Variants in MAN1A1 observed in about 807,000 individuals in gnomAD.
MAN1A1 encodes mannosyl-oligosaccharide 1,2-alpha-mannosidase IA.
MAN1A1 carries 29 observed loss-of-function variants against 70.8 expected under a neutral mutation model. The ratio of observed to expected loss-of-function variants is 0.41; its 90% CI spans 0.31 to 0.56. The LOEUF is 0.56. MAN1A1 is among the 20% of genes least tolerant of loss of function. MAN1A1 has a pLI of 0.29. For synonymous variants in MAN1A1, 349 were observed against 330.1 expected (o/e 1.06, Z -0.62); for missense variants, 747 against 841.3 (o/e 0.89, Z 1.39).
chr6:119,267,463 A>G (rs1775789399), intron 5 of MAN1A1, among the ~76,000 whole-genome samples: 1 of 152,240 alleles, frequency 6.6e-6, no homozygotes, highest in African/African-American at 2.4e-5. Context: ...GGCAGATTCC[A>G]CTAAGCTTGA....
At chr6:119,244,677 A>C (rs1014816404) in intron 6 of MAN1A1, among the ~76,000 whole-genome samples, 5 of 152,218 alleles carry the variant, frequency 3.3e-5, no homozygotes, top group Middle Eastern at 3.4e-3. Context: ...TTTTGTCTCC[A>C]AATACATAAA....
chr6:119,241,960 GTGTGTGTGTGTGTA>G (rs1775021878), intron 6 of MAN1A1, among the ~76,000 whole-genome samples: 1 of 15,136 alleles, frequency 6.6e-5, no homozygotes, highest in Non-Finnish European at 1.4e-4. Context: ...GTGTGTGTGT[GTGTGTGTGTGTGTA>G]TATGTGTGTG....
rs143357410 is a variant in MAN1A1 at position 119,327,516 on chromosome 6, A to G, written c.604-20524T>C. 5.9e-3 allele frequency: 892 copies of G among 151,326 alleles called. 31 individuals are homozygous for G. The East Asian group carries it at 0.091, about 15-fold the overall frequency. 9.4% of individuals were successfully genotyped at this position (151,326 alleles called of 1,614,324 possible). ...GCGATTCTCCTGCCTCATCCTCCCA[A>G]GGAGCTGGGATTACAGGCATGCACC... On this transcript the variant is annotated intron_variant, in intron 2 of 12. Coordinates refer to ENST00000368468, the MANE Select transcript of MAN1A1 (RefSeq NM_005907.4).
intron 2 of MAN1A1, among the ~76,000 whole-genome samples, chr6:119,307,951 A>C (rs11759899): frequency 0.33 from 50,469 of 151,980 alleles, 8,863 homozygotes; most frequent in Non-Finnish European, 0.36. Context: ...CAAAGTTTTC[A>C]TATGTTCCTG....
At position 119,217,836 on chromosome 6, in the gene MAN1A1, A is replaced by G. The variant is rs569728489; in HGVS notation, c.993-12954T>C. 3.3e-5 allele frequency among the ~76,000 whole-genome samples: 5 copies of G among 152,306 alleles called. No individual in the cohort carries two copies. The East Asian group carries it at 9.6e-4, about 29-fold the overall frequency. The stretch of plus-strand genomic sequence containing the variant: ...CATCCACATGCACACACATATATGG[A>G]TATCTAGAAAGGGAGTTCGTTGTTT... On this transcript the variant is annotated intron_variant, in intron 6 of 12. Coordinates refer to ENST00000368468, the MANE Select transcript of MAN1A1 (RefSeq NM_005907.4).
intron 5 of MAN1A1, among the ~76,000 whole-genome samples, chr6:119,282,770 C>T (rs897094211): frequency 1.3e-5 from 2 of 152,042 alleles, no homozygotes; most frequent in Non-Finnish European, 2.9e-5. Context: ...TATATAATTA[C>T]ATTAATATAA....
At chr6:119,247,921 G>C (rs751263900) in intron 6 of MAN1A1, among the ~76,000 whole-genome samples, 112 of 152,198 alleles carry the variant, frequency 7.4e-4, no homozygotes, top group Non-Finnish European at 1.5e-3. Context: ...CTTTGGAAGT[G>C]AAATGCTTTG....
intron 5 of MAN1A1, among the ~76,000 whole-genome samples, chr6:119,255,810 T>C (rs1189019468): frequency 6.6e-6 from 1 of 152,228 alleles, no homozygotes; most frequent in Non-Finnish European, 1.5e-5. Context: ...TCACCGTCTC[T>C]TTCTTTCTTC....
Position 119,348,661 on chromosome 6 carries a change from G to C in MAN1A1, c.405C>G (p.Ala135=), listed in dbSNP as rs141402861. ...RENHERALRE[A]KETLQKLPEE... Reference sequence around the variant, plus strand: ...CGGGCAGCTTCTGCAGGGTCTCCTTGGCTTCCCTGAGAGCCCGCTCGTGGT... The same window carrying C: ...CGGGCAGCTTCTGCAGGGTCTCCTTCGCTTCCCTGAGAGCCCGCTCGTGGT... Residue 135 remains alanine (A), a synonymous_variant, in exon 2 of 13, where the codon GCC becomes GCG. Transcript: ENST00000368468. 1.9e-6 allele frequency: 3 copies of C among 1,613,144 alleles called. No individual in the cohort carries two copies. Among genetic ancestry groups the C allele is most frequent in the Non-Finnish European group, 2.5e-6 (3 of 1,179,626 alleles).
intron 2 of MAN1A1, among the ~76,000 whole-genome samples, chr6:119,334,689 C>A (rs901271077): frequency 6.6e-6 from 1 of 152,142 alleles, no homozygotes; most frequent in Non-Finnish European, 1.5e-5. Context: ...TCTCTGCTGC[C>A]AATGTAGTTA....
intron 6 of MAN1A1, among the ~76,000 whole-genome samples, chr6:119,232,713 GT>G (rs1562203278): frequency 2.3e-5 from 3 of 127,872 alleles, no homozygotes; most frequent in Admixed American, 7.7e-5. Flanking sequence ...GTGTGTGTGT[GT>G]GTGTATATTT....
chr6:119,310,736 G>GA (rs980914809), intron 2 of MAN1A1, among the ~76,000 whole-genome samples: 2 of 152,166 alleles, frequency 1.3e-5, no homozygotes, highest in Non-Finnish European at 2.9e-5. Flanking sequence ...AAGAAGACAA[G>GA]AAAGGCAAGG....
rs1488285512 is a variant in MAN1A1, at chr6:119,349,233, C to T, written c.-168G>A. 3.3e-6 allele frequency: 4 copies of T among 1,213,352 alleles called. No homozygotes were observed. The highest frequency in any genetic ancestry group is 4.1e-6 in the Non-Finnish European group (4 of 976,712). 75.2% of individuals were successfully genotyped at this position (1,213,352 alleles called of 1,614,324 possible). ...AACAACTCCGCGCCGGGTCTTCTCC[C>T]CGGGGCGGCTCCTCGGGCACACAGG... On this transcript the variant is annotated 5_prime_UTR_variant, in exon 2 of 13. Coordinates refer to ENST00000368468, the MANE Select transcript of MAN1A1 (RefSeq NM_005907.4).
At chr6:119,338,339 A>G (rs1160251742) in intron 2 of MAN1A1, among the ~76,000 whole-genome samples, 1 of 152,110 alleles carries the variant, frequency 6.6e-6, no homozygotes, top group Non-Finnish European at 1.5e-5. Flanking sequence ...GGGTGGAAAA[A>G]AAAAAGCCCA....
At chr6:119,301,438 C>T (rs1306882302) in intron 4 of MAN1A1, among the ~76,000 whole-genome samples, 3 of 152,096 alleles carry the variant, frequency 2.0e-5, no homozygotes, top group African/African-American at 7.2e-5. Context: ...TGATAGCATA[C>T]AGAATTTAAA....
intron 2 of MAN1A1, among the ~76,000 whole-genome samples, chr6:119,307,369 A>C (rs922280314): frequency 2.0e-5 from 3 of 152,170 alleles, no homozygotes; most frequent in African/African-American, 7.2e-5. Flanking sequence ...ACTATCTTTA[A>C]AATTTATATT....
chr6:119,184,047 C>T (rs73529907), intron 11 of MAN1A1, among the ~76,000 whole-genome samples: 2,100 of 152,112 alleles, frequency 0.014, 59 homozygotes, highest in African/African-American at 0.048. Context: ...AGAACTCCCC[C>T]TCACCCCTTA....
At chr6:119,344,243 C>G (rs1023464136) in intron 2 of MAN1A1, among the ~76,000 whole-genome samples, 1 of 152,190 alleles carries the variant, frequency 6.6e-6, no homozygotes, top group African/African-American at 2.4e-5. Context: ...TTATATGAAT[C>G]CCAGTTGCCT....
intron 2 of MAN1A1, among the ~76,000 whole-genome samples, chr6:119,331,570 C>CATAT (rs10562938): frequency 0.048 from 5,633 of 117,864 alleles, 180 homozygotes; most frequent in East Asian, 0.071. Context: ...ACATATTATG[C>CATAT]ATATATATAT....
Sources: gnomAD v4.1 joint callset for allele counts (sites outside exome capture counted in the v4.1 genomes callset) on GRCh38, gnomAD v4.1.1 for gene constraint, MANE v1.5 for transcripts, NCBI Gene and HGNC (gene_info 2026-07-23, HGNC 2026-07-21) for gene names.